The following FAM222A variants were observed in gnomAD, a reference collection of about 807,000 sequenced individuals.
FAM222A encodes protein FAM222A.
Under a neutral mutation model 25.8 loss-of-function variants are expected in FAM222A, and 7 were observed. That is an observed-to-expected ratio of 0.27 (90% CI 0.15 to 0.51). The LOEUF (loss-of-function observed/expected upper bound fraction) is 0.51. Among genes scored for constraint, FAM222A ranks in the 20% least tolerant of loss-of-function variants. FAM222A has a pLI of 0.97. For missense variants in FAM222A, 573 were observed against 640.5 expected (o/e 0.89, Z 1.14); for synonymous variants, 294 against 298.8 (o/e 0.98, Z 0.17).
intron 1 of FAM222A, among the ~76,000 whole-genome samples, chr12:109,738,194 A>G (rs1888138452): frequency 6.6e-6 from 1 of 152,140 alleles, no homozygotes. Context: ...GGGCTGGGCA[A>G]GGGTCCCTCC....
At chr12:109,734,605 AAAAAAAAG>A (rs900852814) in intron 1 of FAM222A, 2 of 151,812 alleles carry the variant, frequency 1.3e-5, no homozygotes, top group African/African-American at 4.9e-5. Flanking sequence ...TTTAAAAAAA[AAAAAAAAG>A]AAAGAAAGAA....
At chr12:109,728,473 G>A (rs1334760056) in intron 1 of FAM222A, among the ~76,000 whole-genome samples, 1 of 152,160 alleles carries the variant, frequency 6.6e-6, no homozygotes, top group Non-Finnish European at 1.5e-5. Context: ...ACCCAGCCCC[G>A]TGGGAGAGCA....
intron 1 of FAM222A, among the ~76,000 whole-genome samples, chr12:109,727,041 C>G (rs1456987645): frequency 5.9e-5 from 9 of 152,132 alleles, no homozygotes; most frequent in African/African-American, 2.2e-4. Context: ...CGGCTCCTGC[C>G]CAGGTTCCTC....
At chr12:109,744,505 G>C (rs1157206165) in intron 2 of FAM222A, 1 of 985,118 alleles carries the variant, frequency 1.0e-6, no homozygotes, top group African/African-American at 1.7e-5. Flanking sequence ...CCCCAACCCC[G>C]CCTCTGCAAC....
Position 109,714,081 on chromosome 12 carries a change from G to A in FAM222A, c.-863G>A, listed in dbSNP as rs913729900. 6.6e-6 allele frequency: 1 copy of A among 151,676 alleles called. No homozygotes were observed. Among genetic ancestry groups the A allele is most frequent in the Admixed American group, 6.6e-5 (1 of 15,192 alleles). 9.4% of individuals were successfully genotyped at this position (151,676 alleles called of 1,614,324 possible). On this transcript the variant is annotated 5_prime_UTR_variant, in exon 1 of 3. Coordinates refer to ENST00000538780, the MANE Select transcript of FAM222A (RefSeq NM_032829.3). The surrounding 1 kb of genome is among the most constrained non-coding windows in gnomAD (Gnocchi z 4.2). ...GCGCGCGGCCCCTGCTGCGGCTTGC[G>A]AGCTCGCACACCCGGTGCACAGTCC...
In FAM222A at chr12:109,768,545, C is replaced by T. The variant is rs1163096509; in HGVS notation, c.616C>T (p.Leu206Phe). 1.9e-6 allele frequency: 3 copies of T among 1,603,948 alleles called. No homozygotes were observed. Among genetic ancestry groups the T allele is most frequent in the Non-Finnish European group, 2.6e-6 (3 of 1,176,278 alleles). Residue 206 changes from leucine to phenylalanine, a missense_variant, in exon 3 of 3, where the codon CTC (leucine) becomes TTC (phenylalanine). By Grantham distance (22) the Leu-to-Phe change is conservative. Transcript: ENST00000538780. Reference sequence around the variant, plus strand: ...CTCCATCCACAGCCTCCTGTACCAGCTCAACCAGCAGTGCCAGGCCCCGGG... The same window carrying T: ...CTCCATCCACAGCCTCCTGTACCAGTTCAACCAGCAGTGCCAGGCCCCGGG... ...LPSIHSLLYQ[L>F]NQQCQAPGAA...
chr12:109,760,468 G>A (rs1861816), intron 2 of FAM222A, among the ~76,000 whole-genome samples: 97,105 of 151,998 alleles, frequency 0.64, 31,631 homozygotes, highest in Middle Eastern at 0.73. Context: ...TCAAATCCTG[G>A]CTCACAAATC....
chr12:109,739,884 C>G (rs1025491786), intron 1 of FAM222A, among the ~76,000 whole-genome samples: 1 of 152,196 alleles, frequency 6.6e-6, no homozygotes, highest in Non-Finnish European at 1.5e-5. Flanking sequence ...ACAGAGGCCA[C>G]GAGGAGGAGG....
At chr12:109,735,344 C>T (rs1050663880) in intron 1 of FAM222A, among the ~76,000 whole-genome samples, 2 of 152,208 alleles carry the variant, frequency 1.3e-5, no homozygotes, top group Non-Finnish European at 2.9e-5. Context: ...TCTGTTTCCT[C>T]GTGGGTACAA....
intron 1 of FAM222A, among the ~76,000 whole-genome samples, chr12:109,733,597 G>C (rs543717098): frequency 2.0e-5 from 3 of 152,028 alleles, no homozygotes; most frequent in Non-Finnish European, 2.9e-5. Context: ...TAGAGAGGGG[G>C]TTTCACCGTG....
At chr12:109,764,980 C>T (rs1218114532) in intron 2 of FAM222A, among the ~76,000 whole-genome samples, 2 of 152,162 alleles carry the variant, frequency 1.3e-5, no homozygotes, top group Non-Finnish European at 1.5e-5. Flanking sequence ...TGGCTGGGTC[C>T]ACTTGCCCAG....
intron 2 of FAM222A, among the ~76,000 whole-genome samples, chr12:109,753,745 C>G (rs1443321245): frequency 6.6e-6 from 1 of 151,122 alleles, no homozygotes; most frequent in Non-Finnish European, 1.5e-5. Flanking sequence ...CGCCGACAGG[C>G]TGGAGCTACT....
intron 1 of FAM222A, among the ~76,000 whole-genome samples, chr12:109,729,303 G>A (rs988695919): frequency 2.0e-5 from 3 of 152,202 alleles, no homozygotes; most frequent in Non-Finnish European, 2.9e-5. Context: ...AGAAAAAAAG[G>A]TGTGGGCTGA....
intron 1 of FAM222A, among the ~76,000 whole-genome samples, chr12:109,737,861 G>A (rs1177850647): frequency 6.6e-6 from 1 of 152,180 alleles, no homozygotes; most frequent in Non-Finnish European, 1.5e-5. Context: ...TATTAACAGG[G>A]TCCCTTGGAA....
At chr12:109,726,678 G>A (rs1248429637) in intron 1 of FAM222A, among the ~76,000 whole-genome samples, 3 of 152,248 alleles carry the variant, frequency 2.0e-5, no homozygotes, top group African/African-American at 7.2e-5. Flanking sequence ...CCAACGGGAT[G>A]TGGACCTTGC....
intron 1 of FAM222A, among the ~76,000 whole-genome samples, chr12:109,718,801 C>T (rs1169838318): frequency 6.6e-6 from 1 of 152,244 alleles, no homozygotes; most frequent in Admixed American, 6.5e-5. Flanking sequence ...AAGCTACTGA[C>T]ATCTTTTGAA....
chr12:109,768,282 C>A lies in FAM222A; in HGVS notation c.353C>A (p.Pro118Gln). ...AAVSSSSTAA[P>Q]AGPAKSVLKS... ...GTTTCCTCCTCCAGCACGGCCGCAC[C>A]AGCTGGGCCCGCCAAAAGTGTGCTC... is the stretch of plus-strand genomic sequence containing the variant. The change falls in exon 3 of 3, where the codon CCA (proline) becomes CAA (glutamine). Residue 118 changes from proline (P) to glutamine (Q), a missense_variant. Coordinates refer to ENST00000538780, the MANE Select transcript of FAM222A (RefSeq NM_032829.3). 1 of 1,606,410 alleles carries A rather than the reference C, an allele frequency of 6.2e-7. No homozygotes were observed. The highest frequency in any genetic ancestry group is 8.5e-7 in the Non-Finnish European group (1 of 1,177,326).
At chr12:109,743,973 G>T (rs1479125084) in intron 1 of FAM222A, 128 bp from the exon 2 acceptor site, 2 of 1,416,358 alleles carry the variant, frequency 1.4e-6, no homozygotes, top group African/African-American at 2.9e-5. Context: ...GTCGAATAAG[G>T]GAAATGGGTG....
intron 2 of FAM222A, among the ~76,000 whole-genome samples, chr12:109,758,919 G>A (rs570053188): frequency 2.0e-5 from 3 of 152,298 alleles, no homozygotes; most frequent in Admixed American, 6.5e-5. Context: ...TAGACAAAGC[G>A]TGCAACGGCT....
Sources: allele counts gnomAD v4.1 joint callset (sites outside exome capture counted in the v4.1 genomes callset), GRCh38; gene constraint gnomAD v4.1.1; non-coding constraint Gnocchi (gnomAD v3.1); transcripts MANE v1.5; gene names NCBI Gene and HGNC (gene_info 2026-07-23, HGNC 2026-07-21).